DMC1: variants seen among roughly 807,000 people sequenced by gnomAD.
DMC1 encodes the protein meiotic recombination protein DMC1 homolog.
Under a neutral mutation model 50.1 loss-of-function variants are expected in DMC1, and 27 were observed. The ratio of observed to expected loss-of-function variants is 0.54; its 90% CI spans 0.40 to 0.74. The LOEUF is 0.74. Ranked by LOEUF, DMC1 falls within the 30% of genes least tolerant of loss-of-function variation. DMC1 has a pLI of 0.00. For missense variants in DMC1, 295 were observed against 420.2 expected (o/e 0.70, Z 2.60); for synonymous variants, 148 against 136.1 (o/e 1.09, Z -0.61).
At chr22:38,535,968 C>A (rs1188402749) in intron 12 of DMC1, among the ~76,000 whole-genome samples, 1 of 151,648 alleles carries the variant, frequency 6.6e-6, no homozygotes, top group East Asian at 2.0e-4. Context: ...CACATGTAAT[C>A]CTAGCACTTT....
At chr22:38,527,516 C>CTTTT (rs891065117) in intron 12 of DMC1, among the ~76,000 whole-genome samples, 7 of 127,282 alleles carry the variant, frequency 5.5e-5, no homozygotes, top group Non-Finnish European at 1.0e-4. Context: ...CCTTTTTCTC[C>CTTTT]TTTTTTTTTT....
At chr22:38,539,677 T>C (rs1236946309) in intron 8 of DMC1, among the ~76,000 whole-genome samples, 17 of 152,186 alleles carry the variant, frequency 1.1e-4, no homozygotes, top group Admixed American at 1.1e-3. Flanking sequence ...AACTTTACAA[T>C]AACCTTGGAA....
chr22:38,568,902 A>T (rs11570372), intron 1 of DMC1, among the ~76,000 whole-genome samples: 268 of 152,288 alleles, frequency 1.8e-3, no homozygotes, highest in African/African-American at 6.2e-3. Flanking sequence ...AAGATTTAAA[A>T]ATATGGTGGT....
intron 5 of DMC1, among the ~76,000 whole-genome samples, chr22:38,556,709 G>C (rs2090472301): frequency 6.6e-6 from 1 of 152,144 alleles, no homozygotes; most frequent in African/African-American, 2.4e-5. Context: ...CTAAGACCTG[G>C]TAGGGGCACT....
intron 5 of DMC1, among the ~76,000 whole-genome samples, chr22:38,560,920 G>A (rs1332355709): frequency 1.3e-5 from 2 of 151,834 alleles, no homozygotes; most frequent in Non-Finnish European, 2.9e-5. Flanking sequence ...ATTTCAGTAT[G>A]TATCCCTAAA....
At chr22:38,569,404 A>T (rs1442539826) in intron 1 of DMC1, 1 of 152,084 alleles carries the variant, frequency 6.6e-6, no homozygotes, top group Non-Finnish European at 1.5e-5. Flanking sequence ...GAACAAAGGG[A>T]ACGAACCATT....
intron 7 of DMC1, among the ~76,000 whole-genome samples, chr22:38,552,328 A>G (rs1424167045): frequency 6.6e-6 from 1 of 152,234 alleles, no homozygotes; most frequent in African/African-American, 2.4e-5. Flanking sequence ...GAAAGATTCT[A>G]GGACTCAATA....
At chr22:38,528,515 G>A in intron 12 of DMC1, among the ~76,000 whole-genome samples, 1 of 152,034 alleles carries the variant, frequency 6.6e-6, no homozygotes, top group South Asian at 2.1e-4. Flanking sequence ...GCTCACGCTT[G>A]TAATCCCAGC....
At chr22:38,554,250 A>G (rs1237651507) in intron 6 of DMC1, among the ~76,000 whole-genome samples, 4 of 152,178 alleles carry the variant, frequency 2.6e-5, no homozygotes, top group African/African-American at 9.6e-5. Flanking sequence ...AACTGGTGCC[A>G]TCCCCTAGCT....
At chr22:38,528,916 T>C (rs2090125419) in intron 12 of DMC1, among the ~76,000 whole-genome samples, 2 of 152,234 alleles carry the variant, frequency 1.3e-5, no homozygotes, top group African/African-American at 4.8e-5. Context: ...TCCTGACTAT[T>C]ACAGCAGTTA....
chr22:38,524,749 C>T (rs530459928), intron 12 of DMC1, among the ~76,000 whole-genome samples: 2 of 152,228 alleles, frequency 1.3e-5, no homozygotes, highest in South Asian at 4.1e-4. Flanking sequence ...AGAAAACTGG[C>T]CCCCTCTGTG....
intron 8 of DMC1, among the ~76,000 whole-genome samples, chr22:38,549,162 A>G (rs1044813528): frequency 1.3e-5 from 2 of 152,158 alleles, no homozygotes; most frequent in African/African-American, 2.4e-5. Flanking sequence ...AAAGCCTTTC[A>G]TGTCTAAGAT....
At chr22:38,526,118 G>A (rs1362964022) in intron 12 of DMC1, among the ~76,000 whole-genome samples, 3 of 152,008 alleles carry the variant, frequency 2.0e-5, no homozygotes, top group African/African-American at 4.8e-5. Flanking sequence ...AATTTTGTTT[G>A]TTTGATATAA....
At position 38,555,348 on chromosome 22, in the gene DMC1, T is replaced by C. The variant is rs555016499; in HGVS notation, c.379+9A>G. ...ATTTCATTTAACAAAATATTAAGGT[T>C]CTACCTACCTCCAAAAGCTTCTGTA... is the stretch of plus-strand genomic sequence containing the variant. On this transcript the variant is annotated intron_variant, in intron 6 of 13. Transcript: ENST00000216024. The C allele has an allele frequency of 6.8e-5, 109 of 1,595,762 alleles. 2 individuals carry two copies. In the South Asian group the frequency reaches 1.1e-3, roughly 16 times the overall value.
In DMC1 at chr22:38,537,582, T is replaced by A; in HGVS notation, c.836+10A>T. 6.2e-7 allele frequency: 1 copy of A among 1,612,044 alleles called. No homozygotes were observed. Among genetic ancestry groups the A allele is most frequent in the East Asian group, 2.2e-5 (1 of 44,862 alleles). ...CTCTGTGAAATAAAAAGTAGAATAT[T>A]GGGGCTTACGTCATAGTTGCTCCTG... On this transcript the variant is annotated intron_variant, in intron 12 of 13. Coordinates refer to ENST00000216024, the MANE Select transcript of DMC1 (RefSeq NM_007068.4).
In DMC1 at chr22:38,568,215, T is replaced by G; in HGVS notation, c.42A>C (p.Gln14His). The G allele has an allele frequency of 6.2e-7, 1 of 1,614,124 alleles. No individual in the cohort carries two copies. Among genetic ancestry groups the G allele is most frequent in the Non-Finnish European group, 8.5e-7 (1 of 1,179,958 alleles). The part of the protein sequence containing the change: ...DQVVAEEPGF[Q>H]DEEESLFQDI... ...AACATTTTAGTCATACCTCTTCATC[T>G]TGGAATCCTGGTTCTTCCGCCACAA... The change falls in exon 2 of 14, where the codon CAA (glutamine) becomes CAC (histidine). Residue 14 changes from glutamine to histidine, a missense_variant. By Grantham distance (24) the Gln-to-His change is conservative (BLOSUM62 0). Coordinates refer to ENST00000216024, the MANE Select transcript of DMC1 (RefSeq NM_007068.4).
At position 38,552,699 on chromosome 22, in the gene DMC1, T is replaced by C. The variant is rs1250480809; in HGVS notation, c.388A>G (p.Thr130Ala). 2 of 1,589,406 alleles carry C rather than the reference T, an allele frequency of 1.3e-6. No homozygotes were observed. The highest frequency in any genetic ancestry group is 3.3e-5 in the Admixed American group (2 of 59,912). ...AITEAFGEFR[T>A]GKTQLSHTLC... The stretch of plus-strand genomic sequence containing the variant: ...GTATGAGAAAGCTGGGTTTTTCCAG[T>C]ACGAAATTCTGTGAAATACAGAAAA... Residue 130 changes from threonine to alanine, a missense_variant, in exon 7 of 14, where the codon ACT becomes GCT. Physicochemically the swap from Thr to Ala is moderately conservative, Grantham distance 58. Transcript: ENST00000216024.
At chr22:38,529,520 C>G (rs1472720193) in intron 12 of DMC1, among the ~76,000 whole-genome samples, 1 of 152,120 alleles carries the variant, frequency 6.6e-6, no homozygotes, top group African/African-American at 2.4e-5. Flanking sequence ...TTCTCCCCCT[C>G]TGGTTGAACA....
the DMC1 span, among the ~76,000 whole-genome samples, chr22:38,512,224 CT>C: frequency 2.6e-5 from 4 of 152,156 alleles, no homozygotes; most frequent in African/African-American, 9.7e-5. Context: ...ATCCACCTGC[CT>C]CAACCTCCCT....
Sources: allele counts gnomAD v4.1 joint callset (sites outside exome capture counted in the v4.1 genomes callset), GRCh38; gene constraint gnomAD v4.1.1; transcripts MANE v1.5; gene names NCBI Gene and HGNC (gene_info 2026-07-23, HGNC 2026-07-21).